The following TRMT2B variants were observed in gnomAD, a reference collection of about 807,000 sequenced individuals.
TRMT2B encodes tRNA (uracil-5-)-methyltransferase homolog B.
Under a neutral mutation model 39.7 loss-of-function variants are expected in TRMT2B, and 34 were observed. That is an observed-to-expected ratio of 0.86 (90% CI 0.65 to 1.14). TRMT2B has a LOEUF of 1.14. TRMT2B is among the 50% of genes most tolerant of loss of function. The pLI, the probability that TRMT2B is intolerant of heterozygous loss-of-function variation, is 0.00. For synonymous variants in TRMT2B, 132 were observed against 137.3 expected, an observed-to-expected ratio of 0.96 and a Z score of 0.27; for missense variants, 318 against 377.2, an observed-to-expected ratio of 0.84 and a Z score of 1.30.
At chrX:100,987,079 A>G in the TRMT2B span, among the ~76,000 whole-genome samples, 1 of 111,853 alleles carries the variant, frequency 8.9e-6, no homozygotes, top group Non-Finnish European at 1.9e-5. Flanking sequence ...CCTTCAAAAT[A>G]ATTCTGTAAA....
chrX:101,037,888 A>AGG, intron 5 of TRMT2B, 29 bp downstream of exon 5: 1 of 1,196,499 alleles, frequency 8.4e-7, no homozygotes, highest in Non-Finnish European at 1.1e-6. Flanking sequence ...GGGCCTTAAT[A>AGG]GATAAGGAAT....
intron 6 of TRMT2B, among the ~76,000 whole-genome samples, chrX:101,036,683 A>C (rs1300079166): frequency 9.0e-6 from 1 of 111,266 alleles, no homozygotes; most frequent in Admixed American, 9.8e-5. Context: ...TGATGACAAC[A>C]ATGATGATGA....
At chrX:100,973,605 T>C in the TRMT2B span, 18 of 1,026,431 alleles carry the variant, frequency 1.8e-5, no homozygotes, top group South Asian at 4.0e-5. Flanking sequence ...TGTTTAGTCA[T>C]AAGCTGACTA....
chrX:101,044,278 T>C (rs1219805520), intron 2 of TRMT2B, among the ~76,000 whole-genome samples: 1 of 108,308 alleles, frequency 9.2e-6, no homozygotes, highest in Admixed American at 9.9e-5. Context: ...AGCAAGTTCA[T>C]GTTTGAGACA....
Position 101,046,693 on chromosome X carries a change from G to A in TRMT2B, c.-23-4381C>T, listed in dbSNP as rs577764842. 3.7e-5 allele frequency among the ~76,000 whole-genome samples: 4 copies of A among 109,287 alleles called. 1 individual carries two copies. The South Asian group carries it at 1.2e-3, about 32-fold the overall frequency. The allele number at this position is 109,287 out of a possible 115,157, so 94.9% of individuals were successfully genotyped here. A position where few individuals can be genotyped will look rare whatever the true frequency, so the allele number is the denominator to read the frequency against. On this transcript the variant is annotated intron_variant, in intron 2 of 13. Transcript: ENST00000372936. ...TATAATCTCAGCACTTTGGGAGGCC[G>A]AGGCAGGCGGATCACCTGAGGTCAG...
chrX:101,033,315 C>T (rs2087622287), intron 7 of TRMT2B, among the ~76,000 whole-genome samples: 1 of 107,983 alleles, frequency 9.3e-6, no homozygotes, highest in Admixed American at 1.0e-4. Context: ...ATGAAGGAGG[C>T]TGGGTGCGGT....
At chrX:101,034,314 G>A (rs2087699132) in intron 7 of TRMT2B, among the ~76,000 whole-genome samples, 1 of 108,072 alleles carries the variant, frequency 9.3e-6, no homozygotes, top group African/African-American at 3.4e-5. Context: ...GCTAATTTTT[G>A]TACTTTTAGT....
chrX:100,989,860 G>A, the TRMT2B span, among the ~76,000 whole-genome samples: 2 of 112,485 alleles, frequency 1.8e-5, no homozygotes, highest in East Asian at 5.6e-4. Flanking sequence ...GGAGGGGCTT[G>A]GACTTGGCCT....
chrX:100,985,607 T>A, the TRMT2B span: 5 of 1,158,701 alleles, frequency 4.3e-6, no homozygotes, highest in Middle Eastern at 1.2e-3. Flanking sequence ...TCTACTCCTG[T>A]TAGATGAGTA....
intron 6 of TRMT2B, 121 bp from the exon 7 acceptor site, chrX:101,035,804 A>C: frequency 1.9e-6 from 1 of 536,499 alleles, no homozygotes; most frequent in Non-Finnish European, 3.1e-6. Context: ...AGCAAATACA[A>C]TCTCATGGCC....
At chrX:100,978,054 C>G in the TRMT2B span, among the ~76,000 whole-genome samples, 1 of 111,940 alleles carries the variant, frequency 8.9e-6, no homozygotes, top group Admixed American at 9.4e-5. Context: ...CATGGTAGTT[C>G]TATGTTTAGT....
At chrX:100,975,499 A>AT in the TRMT2B span, among the ~76,000 whole-genome samples, 1 of 110,713 alleles carries the variant, frequency 9.0e-6, no homozygotes, top group African/African-American at 3.3e-5. Context: ...GAAATAATGG[A>AT]TTTTTTCCTC....
rs2086519093 is a variant in TRMT2B at position 101,016,482 on chromosome X, T to TCTCAAATTTAAA, written c.1388+2488_1388+2489insTTTAAATTTGAG. ...CACAAAACATCTTTTTAAATTTTGA[T>TCTCAAATTTAAA]TTTTTTTTTTTTGAGACAGGGTCTC... On this transcript the variant is annotated intron_variant, in intron 13 of 13. Transcript: ENST00000372936. Among the ~76,000 whole-genome samples the TCTCAAATTTAAA allele has an allele frequency of 3.1e-5, 3 of 96,683 alleles. No individual in the cohort carries two copies. The Admixed American group carries it at 3.2e-4, about 10-fold the overall frequency. The allele number at this position is 96,683 out of a possible 115,157, so 84.0% of individuals were successfully genotyped here.
At chrX:101,001,746 G>C in the TRMT2B span, among the ~76,000 whole-genome samples, 2 of 105,361 alleles carry the variant, frequency 1.9e-5, no homozygotes, top group Non-Finnish European at 3.9e-5. Flanking sequence ...TAGAAAATTT[G>C]AGCATCAAAA....
At chrX:101,027,295 G>A (rs113222775) in intron 7 of TRMT2B, among the ~76,000 whole-genome samples, 20,434 of 107,263 alleles carry the variant, frequency 0.19, 1,557 homozygotes, top group South Asian at 0.23. Context: ...GCAGTGGCGC[G>A]ATCTCGGTTC....
In TRMT2B at chrX:101,051,338, G is replaced by A; in HGVS notation, c.-111C>T. ...GCACTCTCTGCTCACCCTTCCTTCA[G>A]CTGGACCGGCTCCAGACACTATTCC... On this transcript the variant is annotated 5_prime_UTR_variant, in exon 2 of 14. Transcript: ENST00000372936. 1 of 753,974 alleles carries A rather than the reference G, an allele frequency of 1.3e-6. No homozygotes were observed. The highest frequency in any genetic ancestry group is 6.8e-5 in the South Asian group (1 of 14,790). 62.1% of individuals were successfully genotyped at this position (753,974 alleles called of 1,213,427 possible).
At chrX:101,050,371 C>T (rs1350800245) in intron 2 of TRMT2B, among the ~76,000 whole-genome samples, 1 of 111,819 alleles carries the variant, frequency 8.9e-6, no homozygotes, top group Non-Finnish European at 1.9e-5. Context: ...TTCTTAATGT[C>T]AGGGGAGACA....
chrX:101,017,894 A>G (rs2086600604), intron 13 of TRMT2B, among the ~76,000 whole-genome samples: 1 of 111,970 alleles, frequency 8.9e-6, no homozygotes, highest in African/African-American at 3.2e-5. Flanking sequence ...AAAAAAATGT[A>G]ATATTTTGTT....
chrX:101,018,177 C>CA (rs2086614980), intron 13 of TRMT2B, among the ~76,000 whole-genome samples: 1 of 109,795 alleles, frequency 9.1e-6, no homozygotes, highest in Non-Finnish European at 1.9e-5. Context: ...CTTGTCTCTA[C>CA]AAAAAAAATT....
Sources: gnomAD v4.1 joint callset for allele counts (sites outside exome capture counted in the v4.1 genomes callset) on GRCh38, gnomAD v4.1.1 for gene constraint, MANE v1.5 for transcripts, NCBI Gene and HGNC (gene_info 2026-07-23, HGNC 2026-07-21) for gene names.